TBK1: variants seen among roughly 807,000 people sequenced by gnomAD.
The protein encoded by TBK1 is TANK binding kinase 1.
In TBK1, 37 loss-of-function variants were observed where a neutral mutation model predicts 99.9. That is an observed-to-expected ratio of 0.37 (90% CI 0.28 to 0.49). TBK1 has a LOEUF of 0.49. Ranked by LOEUF, TBK1 falls within the 20% of genes least tolerant of loss-of-function variation. TBK1 has a pLI of 0.98. For synonymous variants in TBK1, 258 were observed against 279.8 expected, an observed-to-expected ratio of 0.92 and a Z score of 0.78; for missense variants, 644 against 872.5, an observed-to-expected ratio of 0.74 and a Z score of 3.30.
At chr12:64,465,901 AATGTT>A (rs1340362205) in intron 4 of TBK1, among the ~76,000 whole-genome samples, 1 of 152,214 alleles carries the variant, frequency 6.6e-6, no homozygotes, top group Admixed American at 6.5e-5. Context: ...TAAAAAGATG[AATGTT>A]ATGTTTGAAT....
chr12:64,469,749 T>C (rs2040642976), intron 5 of TBK1, among the ~76,000 whole-genome samples: 2 of 152,162 alleles, frequency 1.3e-5, no homozygotes, highest in African/African-American at 2.4e-5. Flanking sequence ...AGATAACTTG[T>C]TCAAAAATTC....
At chr12:64,452,610 A>G (rs1047623810) in intron 1 of TBK1, 1 of 152,082 alleles carries the variant, frequency 6.6e-6, no homozygotes, top group African/African-American at 2.4e-5. Flanking sequence ...CCTCTTTCCG[A>G]GCGTCGACAC....
At chr12:64,497,883 C>T in intron 19 of TBK1, 85 bp from the exon 20 acceptor site, 1 of 1,417,692 alleles carries the variant, frequency 7.1e-7, no homozygotes, top group Non-Finnish European at 9.8e-7. Context: ...TATCTATTGA[C>T]CAGTTAAAAG....
chr12:64,474,274 G>A lies in TBK1; in HGVS notation c.585G>A (p.Gln195=), dbSNP rs140064624. Residue 195 remains glutamine, a synonymous_variant, in exon 6 of 21, where the codon CAG becomes CAA. Transcript: ENST00000331710. ...YERAVLRKDH[Q]KKYGATVDLW... is the part of the protein sequence containing the mutation. The stretch of plus-strand genomic sequence containing the variant: ...GAGCAGTGCTAAGAAAAGATCATCA[G>A]AAGAAATATGGAGCAACAGTTGATC... 1.9e-6 allele frequency: 3 copies of A among 1,613,734 alleles called. No individual in the cohort carries two copies. The African/African-American group carries it at 4.0e-5, about 22-fold the overall frequency.
intron 3 of TBK1, 30 bp downstream of exon 3, chr12:64,460,359 A>G (rs376335277): frequency 1.4e-6 from 2 of 1,476,866 alleles, no homozygotes; most frequent in African/African-American, 2.8e-5. Context: ...TCTTATATTT[A>G]TTGTAGTTAC....
intron 5 of TBK1, among the ~76,000 whole-genome samples, chr12:64,469,773 C>A (rs1160885957): frequency 6.6e-6 from 1 of 150,706 alleles, no homozygotes; most frequent in African/African-American, 2.5e-5. Flanking sequence ...TTCTCTCTTT[C>A]TCTTTCTCTC....
intron 6 of TBK1, among the ~76,000 whole-genome samples, chr12:64,479,027 A>G (rs2040741344): frequency 6.6e-6 from 1 of 152,210 alleles, no homozygotes; most frequent in African/African-American, 2.4e-5. Context: ...TAGCACAGAA[A>G]CTCAACTTTT....
intron 16 of TBK1, 105 bp from the exon 17 acceptor site, chr12:64,496,844 A>G (rs1181231528): frequency 1.3e-5 from 9 of 715,832 alleles, no homozygotes; most frequent in Non-Finnish European, 1.8e-5. Flanking sequence ...TAAAGCCACA[A>G]CAATCATTAT....
chr12:64,475,235 G>A (rs993102563), intron 6 of TBK1, among the ~76,000 whole-genome samples: 2 of 152,092 alleles, frequency 1.3e-5, no homozygotes, highest in South Asian at 2.1e-4. Flanking sequence ...CTAGTATAAT[G>A]TATACACATT....
intron 20 of TBK1, among the ~76,000 whole-genome samples, chr12:64,501,061 A>G (rs536618715): frequency 1.1e-3 from 164 of 152,132 alleles, no homozygotes; most frequent in African/African-American, 3.9e-3. Flanking sequence ...GCCGGCCCCA[A>G]TTCTATCTTA....
At chr12:64,461,404 CAAT>C (rs766782625) in intron 3 of TBK1, among the ~76,000 whole-genome samples, 8 of 151,894 alleles carry the variant, frequency 5.3e-5, no homozygotes, top group African/African-American at 1.2e-4. Flanking sequence ...CATGAGCAAT[CAAT>C]AAAATCTTTG....
intron 7 of TBK1, 47 bp from the exon 8 acceptor site, chr12:64,481,795 G>T: frequency 7.3e-7 from 1 of 1,361,588 alleles, no homozygotes; most frequent in South Asian, 1.8e-5. Flanking sequence ...AACCTAGACA[G>T]AATATGATAT....
intron 3 of TBK1, among the ~76,000 whole-genome samples, chr12:64,462,016 T>C (rs2040553264): frequency 6.6e-6 from 1 of 152,180 alleles, no homozygotes; most frequent in African/African-American, 2.4e-5. Context: ...CCCAAGCCTT[T>C]GGTGTCCAGG....
At chr12:64,454,976 CAA>C in intron 1 of TBK1, among the ~76,000 whole-genome samples, 1 of 133,594 alleles carries the variant, frequency 7.5e-6, no homozygotes, top group Non-Finnish European at 1.6e-5. Context: ...CGCGCCCGGC[CAA>C]TTTTTTTTTT....
chr12:64,453,581 A>G (rs1364040580), intron 1 of TBK1, among the ~76,000 whole-genome samples: 1 of 152,208 alleles, frequency 6.6e-6, no homozygotes, highest in Non-Finnish European at 1.5e-5. Flanking sequence ...GAGACCCCTG[A>G]CCATTCTGCA....
chr12:64,470,626 C>T (rs1202857621), intron 5 of TBK1, among the ~76,000 whole-genome samples: 1 of 152,200 alleles, frequency 6.6e-6, no homozygotes, highest in Non-Finnish European at 1.5e-5. Flanking sequence ...ATAGATTTCT[C>T]ACTTGCACAA....
chr12:64,501,220 TTAAAAA>T lies in TBK1; in HGVS notation c.2139-105_2139-100del, dbSNP rs145633235. 2.6e-4 allele frequency: 273 copies of T among 1,030,262 alleles called. 1 individual carries two copies. In the African/African-American group the frequency reaches 4.2e-3, roughly 16 times the overall value. The allele number at this position is 1,030,262 out of a possible 1,614,324, so 63.8% of individuals were successfully genotyped here. A position where few individuals can be genotyped will look rare whatever the true frequency, so the allele number is the denominator to read the frequency against. ...AACAAATCATAGTTACTTAAACTCT[TTAAAAA>T]TAAATAGCTATTTATTCCTCTGAAA... On this transcript the variant is annotated intron_variant, in intron 20 of 20. Transcript: ENST00000331710.
At chr12:64,475,375 A>T (rs1731628577) in intron 6 of TBK1, among the ~76,000 whole-genome samples, 1 of 152,128 alleles carries the variant, frequency 6.6e-6, no homozygotes, top group Non-Finnish European at 1.5e-5. Flanking sequence ...TATCACCCAG[A>T]TAGTGAACGT....
At position 64,473,098 on chromosome 12, in the gene TBK1, G is replaced by A. The variant is rs140100618; in HGVS notation, c.541-1132G>A. Among the ~76,000 whole-genome samples, 678 of 152,340 alleles carry A rather than the reference G, an allele frequency of 4.5e-3. 4 individuals are homozygous for A. Among genetic ancestry groups the A allele is most frequent in the Non-Finnish European group, 7.1e-3 (483 of 68,028 alleles). The stretch of plus-strand genomic sequence containing the variant: ...GATAGGTTTCGGGTGTGAGCAGCTA[G>A]ATATGTGGTGGTATTGTTTACTTAA... On this transcript the variant is annotated intron_variant, in intron 5 of 20. Coordinates refer to ENST00000331710, the MANE Select transcript of TBK1 (RefSeq NM_013254.4).
Sources: allele counts gnomAD v4.1 joint callset (sites outside exome capture counted in the v4.1 genomes callset), GRCh38; gene constraint gnomAD v4.1.1; transcripts MANE v1.5; gene names NCBI Gene and HGNC (gene_info 2026-07-23, HGNC 2026-07-21).